Variants in ARHGEF28 observed in about 807,000 individuals in gnomAD.
ARHGEF28 encodes the protein 190 kDa guanine nucleotide exchange factor.
Under a neutral mutation model 206.6 loss-of-function variants are expected in ARHGEF28, and 152 were observed. The observed-to-expected ratio is 0.74, with a 90% CI of 0.64 to 0.84. The LOEUF (loss-of-function observed/expected upper bound fraction) is 0.84, where lower values mean the gene tolerates loss of function less well. Among genes scored for constraint, ARHGEF28 ranks in the 40% least tolerant of loss-of-function variants. The probability of loss-of-function intolerance (pLI) is 0.00; values close to 1 mark genes in which losing one functional copy is unlikely to be tolerated. For synonymous variants in ARHGEF28, 763 were observed against 776.4 expected (o/e 0.98, Z 0.29); for missense variants, 2,028 against 2,073.2 (o/e 0.98, Z 0.42).
intron 14 of ARHGEF28, among the ~76,000 whole-genome samples, chr5:73,857,088 A>G (rs1440784048): frequency 6.6e-6 from 1 of 152,176 alleles, no homozygotes; most frequent in Non-Finnish European, 1.5e-5. Flanking sequence ...TCTCCTCCAC[A>G]ACCTAGAGAG....
intron 33 of ARHGEF28, 80 bp from the exon 34 acceptor site, chr5:73,909,332 C>G: frequency 2.7e-6 from 4 of 1,502,322 alleles, no homozygotes; most frequent in Non-Finnish European, 3.6e-6. Flanking sequence ...TTTTGTGTTT[C>G]GAGGTAGTTC....
chr5:73,862,649 A>G (rs1027484079), intron 16 of ARHGEF28, among the ~76,000 whole-genome samples: 3 of 151,948 alleles, frequency 2.0e-5, no homozygotes, highest in Non-Finnish European at 2.9e-5. Flanking sequence ...ATATCTTTTT[A>G]TTTCCCTTAT....
intron 9 of ARHGEF28, among the ~76,000 whole-genome samples, chr5:73,796,017 T>A (rs1754783043): frequency 6.6e-6 from 1 of 152,220 alleles, no homozygotes; most frequent in African/African-American, 2.4e-5. Context: ...ATATTCTGTT[T>A]CACAACTCCC....
intron 35 of ARHGEF28, among the ~76,000 whole-genome samples, chr5:73,940,351 G>T (rs541558886): frequency 6.6e-6 from 1 of 152,280 alleles, no homozygotes; most frequent in East Asian, 1.9e-4. Flanking sequence ...CAGCATAATG[G>T]TGAGGCTGGA....
intron 1 of ARHGEF28, among the ~76,000 whole-genome samples, chr5:73,661,882 A>G: frequency 6.6e-6 from 1 of 152,210 alleles, no homozygotes; most frequent in South Asian, 2.1e-4. Flanking sequence ...CATTGTGAGA[A>G]TTTTCAAAAT....
intron 1 of ARHGEF28, 34 bp from the exon 2 acceptor site, chr5:73,684,807 C>T: frequency 6.3e-7 from 1 of 1,597,016 alleles, no homozygotes; most frequent in African/African-American, 1.3e-5. Context: ...GGGCCTCCTG[C>T]AATAACTTCT....
At chr5:73,798,440 G>C (rs1754951080) in intron 9 of ARHGEF28, among the ~76,000 whole-genome samples, 1 of 152,086 alleles carries the variant, frequency 6.6e-6, no homozygotes, top group South Asian at 2.1e-4. Flanking sequence ...GAAATGTCTT[G>C]GGTGAGTAAC....
At chr5:73,832,480 C>T (rs755819101) in intron 10 of ARHGEF28, 21 bp downstream of exon 10, 13 of 1,607,198 alleles carry the variant, frequency 8.1e-6, no homozygotes, top group East Asian at 6.7e-5. Flanking sequence ...ACTGACATTA[C>T]AGGATGATTT....
chr5:73,778,901 G>A (rs1753681279), intron 6 of ARHGEF28, among the ~76,000 whole-genome samples: 1 of 152,134 alleles, frequency 6.6e-6, no homozygotes, highest in Admixed American at 6.5e-5. Flanking sequence ...AGCTATAGAT[G>A]GTGACTTTGA....
At chr5:73,856,351 A>G (rs953912769) in intron 14 of ARHGEF28, among the ~76,000 whole-genome samples, 1 of 152,136 alleles carries the variant, frequency 6.6e-6, no homozygotes, top group African/African-American at 2.4e-5. Context: ...GCCTTTTAAA[A>G]TGTTTTCTCT....
chr5:73,915,049 A>G (rs1030533723), intron 35 of ARHGEF28, among the ~76,000 whole-genome samples: 6 of 152,214 alleles, frequency 3.9e-5, no homozygotes, highest in African/African-American at 1.4e-4. Flanking sequence ...CATGAGTTGT[A>G]CTTTTTAAAG....
At chr5:73,910,178 C>T (rs1054951997) in intron 34 of ARHGEF28, among the ~76,000 whole-genome samples, 10 of 151,758 alleles carry the variant, frequency 6.6e-5, no homozygotes, top group African/African-American at 1.9e-4. Context: ...GTTGGGAGTT[C>T]GAGACCAGCC....
At chr5:73,907,062 C>T (rs1301859576) in intron 33 of ARHGEF28, among the ~76,000 whole-genome samples, 1 of 152,256 alleles carries the variant, frequency 6.6e-6, no homozygotes, top group Middle Eastern at 3.4e-3. Flanking sequence ...TAATAGCAAG[C>T]TCTTTGTCTT....
At chr5:73,879,147 C>T (rs1760739147) in intron 22 of ARHGEF28, among the ~76,000 whole-genome samples, 1 of 152,152 alleles carries the variant, frequency 6.6e-6, no homozygotes, top group Admixed American at 6.5e-5. Context: ...TTTCTCTAAA[C>T]TTCCCTTCTT....
In ARHGEF28 at chr5:73,909,751, C is replaced by A; in HGVS notation, c.4501C>A (p.Gln1501Lys). 6.6e-7 allele frequency: 1 copy of A among 1,515,296 alleles called. No homozygotes were observed. The highest frequency in any genetic ancestry group is 8.8e-7 in the Non-Finnish European group (1 of 1,131,980). The allele number at this position is 1,515,296 out of a possible 1,614,324, so 93.9% of individuals were successfully genotyped here. ...GCTGGACCTCCAGCTCCAGGAGTAC[C>A]AGCACAGCCTGGAGCGGCTGAGGGA... ...GELDLQLQEY[Q>K]HSLERLREGQ... Residue 1501 changes from glutamine (Q) to lysine (K), a missense_variant, in exon 34 of 36, where the codon CAG (glutamine) becomes AAG (lysine). By Grantham distance (53) the Gln-to-Lys change is moderately conservative. Coordinates refer to ENST00000513042, the MANE Select transcript of ARHGEF28 (RefSeq NM_001177693.2).
At chr5:73,656,558 A>G (rs1580447755) in intron 1 of ARHGEF28, among the ~76,000 whole-genome samples, 1 of 152,224 alleles carries the variant, frequency 6.6e-6, no homozygotes, top group Middle Eastern at 3.4e-3. Flanking sequence ...TGCTACCCTC[A>G]AATCTCAGAC....
intron 12 of ARHGEF28, among the ~76,000 whole-genome samples, chr5:73,847,556 TTATGTAGA>T (rs1363436505): frequency 3.3e-5 from 5 of 152,222 alleles, no homozygotes; most frequent in African/African-American, 1.2e-4. Flanking sequence ...TGTATGGTTG[TTATGTAGA>T]TACTTCTTAG....
chr5:73,819,584 C>T (rs1246951724), intron 9 of ARHGEF28, among the ~76,000 whole-genome samples: 3 of 152,092 alleles, frequency 2.0e-5, no homozygotes, highest in African/African-American at 4.8e-5. Context: ...GAGTGAAAAC[C>T]GTTAGCTGGA....
At chr5:73,887,802 C>G in intron 26 of ARHGEF28, 123 bp downstream of exon 26, 6 of 797,518 alleles carry the variant, frequency 7.5e-6, no homozygotes, top group South Asian at 6.5e-5. Flanking sequence ...TGTTATGTTT[C>G]CATTATTACT....
Sources: gnomAD v4.1 joint callset for allele counts (sites outside exome capture counted in the v4.1 genomes callset) on GRCh38, gnomAD v4.1.1 for gene constraint, MANE v1.5 for transcripts, NCBI Gene and HGNC (gene_info 2026-07-23, HGNC 2026-07-21) for gene names.